The following CEP164 variants were observed in gnomAD, a reference collection of about 807,000 sequenced individuals.
CEP164 encodes centrosomal protein of 164 kDa.
A neutral mutation model predicts 182.7 loss-of-function variants in CEP164; 162 were observed. That is an observed-to-expected ratio of 0.89 (90% confidence interval 0.78 to 1.01). CEP164 has a LOEUF of 1.01. Among genes scored for constraint, CEP164 ranks in the 50% least tolerant of loss-of-function variants. The probability of loss-of-function intolerance (pLI) is 0.00; values close to 1 mark genes in which losing one functional copy is unlikely to be tolerated. For synonymous variants in CEP164, 661 were observed against 690.0 expected (o/e 0.96, Z 0.66); for missense variants, 1,735 against 1,790.4 (o/e 0.97, Z 0.56).
intron 28 of CEP164, chr11:117,408,376 C>T: frequency 4.3e-6 from 1 of 234,202 alleles, no homozygotes; most frequent in Non-Finnish European, 8.5e-6. Context: ...ATTTTCCTAC[C>T]TGCCTTGGGA....
chr11:117,342,595 C>G (rs538606413), intron 3 of CEP164, among the ~76,000 whole-genome samples: 1 of 152,196 alleles, frequency 6.6e-6, no homozygotes, highest in African/African-American at 2.4e-5. Context: ...CCTGCCTCAG[C>G]TTCCTAAGTG....
chr11:117,365,785 G>T (rs1452917626), intron 8 of CEP164, among the ~76,000 whole-genome samples: 1 of 151,982 alleles, frequency 6.6e-6, no homozygotes, highest in East Asian at 1.9e-4. Flanking sequence ...TCACCATGTT[G>T]GCCAGGCTGG....
rs377586746 is a variant in CEP164 at position 117,409,593 on chromosome 11, C to G, written c.3749-25C>G. 11 of 1,582,568 alleles carry G rather than the reference C, an allele frequency of 7.0e-6. No homozygotes were observed. The highest frequency in any genetic ancestry group is 8.6e-6 in the Non-Finnish European group (10 of 1,160,790). ...CAGGGTCCTGAGCTTGAGTCCCTTC[C>G]CACCATCCACCTCTTTTCTTTCAGT... On this transcript the variant is annotated intron_variant, in intron 29 of 32. Coordinates refer to ENST00000278935, the MANE Select transcript of CEP164 (RefSeq NM_014956.5). The surrounding 1 kb of genome is among the most constrained non-coding windows in gnomAD (Gnocchi z 4.4).
At chr11:117,363,554 C>T in intron 8 of CEP164, 48 bp downstream of exon 8, 1 of 1,364,668 alleles carries the variant, frequency 7.3e-7, no homozygotes, top group Non-Finnish European at 1.0e-6. Context: ...TGGCATATCC[C>T]TCCTGTTTTT....
chr11:117,368,101 C>T (rs1023437395), intron 8 of CEP164, among the ~76,000 whole-genome samples: 1 of 152,102 alleles, frequency 6.6e-6, no homozygotes, highest in African/African-American at 2.4e-5. Flanking sequence ...AAACTAAGTA[C>T]TGAGGACAAT....
At chr11:117,355,904 G>T (rs1483408050) in intron 5 of CEP164, 1 of 1,040,792 alleles carries the variant, frequency 9.6e-7, no homozygotes, top group Non-Finnish European at 1.2e-6. Flanking sequence ...GAGGGCTCCC[G>T]AGGAGCCTCC....
intron 26 of CEP164, 44 bp downstream of exon 26, chr11:117,396,655 A>G: frequency 6.8e-7 from 1 of 1,477,430 alleles, no homozygotes. Flanking sequence ...GGGTACCATG[A>G]AGGGGTAAGT....
Position 117,382,856 on chromosome 11 carries a change from C to T in CEP164, c.1638C>T (p.Ala546=), listed in dbSNP as rs144199348. The stretch of plus-strand genomic sequence containing the variant: ...AGGGCAAGGAGCAGCATTCCCAGGC[C>T]GAGGAGCTGGGCCCTGGGCAGGAAG... ...CEKGKEQHSQ[A]EELGPGQEEA... is the part of the protein sequence containing the mutation. Residue 546 remains alanine (A), a synonymous_variant, in exon 14 of 33, where the codon GCC becomes GCT. Coordinates refer to ENST00000278935, the MANE Select transcript of CEP164 (RefSeq NM_014956.5). 15 of 1,614,012 alleles carry T rather than the reference C, an allele frequency of 9.3e-6. No individual in the cohort carries two copies. The highest frequency in any genetic ancestry group is 6.7e-5 in the African/African-American group (5 of 75,034).
Position 117,387,278 on chromosome 11 carries a change from C to G in CEP164, c.1800C>G (p.Ala600=). 1 of 1,614,164 alleles carries G rather than the reference C, an allele frequency of 6.2e-7. No homozygotes were observed. The highest frequency in any genetic ancestry group is 8.5e-7 in the Non-Finnish European group (1 of 1,180,014). ...AALKAMEEAV[A]QVLEQDQRHL... ...TAAAGGCCATGGAAGAGGCAGTGGC[C>G]CAAGTACTCGAGCAAGACCAGAGGC... The change falls in exon 15 of 33, where the codon GCC becomes GCG. Residue 600 remains alanine, a synonymous_variant. Transcript: ENST00000278935.
chr11:117,382,312 C>A (rs2136151912), intron 13 of CEP164, among the ~76,000 whole-genome samples: 1 of 152,280 alleles, frequency 6.6e-6, no homozygotes, highest in East Asian at 1.9e-4. Flanking sequence ...CATTCAGCAA[C>A]CCCAGCTGGA....
chr11:117,332,588 A>T (rs1372731908), intron 1 of CEP164, among the ~76,000 whole-genome samples: 1 of 152,224 alleles, frequency 6.6e-6, no homozygotes, highest in African/African-American at 2.4e-5. Flanking sequence ...TCAAAAAGAA[A>T]GAAAGAAAAA....
At chr11:117,393,281 G>A (rs998764418) in intron 20 of CEP164, among the ~76,000 whole-genome samples, 155 bp downstream of exon 20, 1 of 152,182 alleles carries the variant, frequency 6.6e-6, no homozygotes, top group Non-Finnish European at 1.5e-5. Flanking sequence ...GATAAACTGT[G>A]GTCAGGGATT....
Position 117,412,462 on chromosome 11 carries a change from A to C in CEP164, c.*294A>C, listed in dbSNP as rs1288227502. ...GCCGGGAGCCCTTTGGGAGGAAGGG[A>C]GGCGTTAGAGGAGCTGCCTTCGGAG... On this transcript the variant is annotated 3_prime_UTR_variant, in exon 33 of 33. Coordinates refer to ENST00000278935, the MANE Select transcript of CEP164 (RefSeq NM_014956.5). 1.0e-5 allele frequency: 3 copies of C among 300,400 alleles called. No individual in the cohort carries two copies. The highest frequency in any genetic ancestry group is 6.5e-5 in the African/African-American group (3 of 46,304). The allele number at this position is 300,400 out of a possible 1,614,324, so 18.6% of individuals were successfully genotyped here.
chr11:117,399,497 C>A (rs1330473465), intron 27 of CEP164, among the ~76,000 whole-genome samples: 1 of 152,002 alleles, frequency 6.6e-6, no homozygotes, highest in Non-Finnish European at 1.5e-5. Context: ...GGGTATATAC[C>A]CAGTAATGGA....
intron 5 of CEP164, chr11:117,356,406 T>G (rs2040300526): frequency 8.2e-7 from 1 of 1,213,148 alleles, no homozygotes; most frequent in African/African-American, 1.6e-5. Flanking sequence ...CACGAGGCCA[T>G]CAGAGTCATG....
At chr11:117,350,485 T>G (rs1324443252) in intron 4 of CEP164, among the ~76,000 whole-genome samples, 1 of 152,220 alleles carries the variant, frequency 6.6e-6, no homozygotes, top group Non-Finnish European at 1.5e-5. Context: ...TAGTTTTGAT[T>G]TGCATTTTCC....
chr11:117,369,202 G>A (rs1461486022), intron 8 of CEP164, among the ~76,000 whole-genome samples: 2 of 152,194 alleles, frequency 1.3e-5, no homozygotes, highest in South Asian at 2.1e-4. Context: ...GTTAACATTC[G>A]TGGGACACTG....
intron 11 of CEP164, among the ~76,000 whole-genome samples, chr11:117,376,590 C>T (rs780103790): frequency 2.0e-5 from 3 of 152,202 alleles, no homozygotes; most frequent in African/African-American, 4.8e-5. Context: ...ATGTTTAATA[C>T]GAACCCAGCC....
At chr11:117,336,761 C>T in intron 2 of CEP164, 1 of 615,694 alleles carries the variant, frequency 1.6e-6, no homozygotes, top group Non-Finnish European at 2.9e-6. Flanking sequence ...CCAGGAGGAA[C>T]AGTGGCAGCT....
Sources: allele counts gnomAD v4.1 joint callset (sites outside exome capture counted in the v4.1 genomes callset), GRCh38; gene constraint gnomAD v4.1.1; non-coding constraint Gnocchi (gnomAD v3.1); transcripts MANE v1.5; gene names NCBI Gene and HGNC (gene_info 2026-07-23, HGNC 2026-07-21).